GALNT18: variants seen among roughly 807,000 people sequenced by gnomAD.
The protein encoded by GALNT18 is polypeptide N-acetylgalactosaminyltransferase 18, also known as GalNAc-transferase 18.
GALNT18 carries 44 observed loss-of-function variants against 69.5 expected under a neutral mutation model. The ratio of observed to expected loss-of-function variants is 0.63; its 90% CI spans 0.50 to 0.81. The LOEUF (loss-of-function observed/expected upper bound fraction) is 0.81, where lower values mean the gene tolerates loss of function less well. Among genes scored for constraint, GALNT18 ranks in the 40% least tolerant of loss-of-function variants. The pLI is 0.00. For synonymous variants in GALNT18, 364 were observed against 318.2 expected (o/e 1.14, Z -1.53); for missense variants, 715 against 810.0 (o/e 0.88, Z 1.42).
At chr11:11,522,785 G>A (rs1036560442) in intron 1 of GALNT18, among the ~76,000 whole-genome samples, 6 of 152,022 alleles carry the variant, frequency 3.9e-5, no homozygotes, top group Non-Finnish European at 4.4e-5. Flanking sequence ...CACTTGTCAC[G>A]CAGCTAGCTG....
rs1856942842 is a variant in GALNT18 at position 11,500,033 on chromosome 11, C to T, written c.236-51097G>A. Among the ~76,000 whole-genome samples the T allele has an allele frequency of 6.6e-6, 1 of 152,122 alleles. No homozygotes were observed. The highest frequency in any genetic ancestry group is 1.5e-5 in the Non-Finnish European group (1 of 68,008). On this transcript the variant is annotated intron_variant, in intron 1 of 10. Coordinates refer to ENST00000227756, the MANE Select transcript of GALNT18 (RefSeq NM_198516.3). The surrounding 1 kb of genome is among the most constrained non-coding windows in gnomAD (Gnocchi z 5.0). ...AGAGACACAGAGAAAGAAAAAAGATCAAGAGAAAGGGAGCAAAATCAAAAA... is the reference window on the plus strand; with the variant it reads ...AGAGACACAGAGAAAGAAAAAAGATTAAGAGAAAGGGAGCAAAATCAAAAA...
chr11:11,445,397 A>T (rs771979706), intron 2 of GALNT18, among the ~76,000 whole-genome samples: 3 of 152,240 alleles, frequency 2.0e-5, no homozygotes, highest in Non-Finnish European at 4.4e-5. Context: ...GGCTTATCCT[A>T]TATAAATGTT....
intron 9 of GALNT18, among the ~76,000 whole-genome samples, chr11:11,313,800 A>T (rs567272845): frequency 6.7e-4 from 102 of 152,226 alleles, no homozygotes; most frequent in Non-Finnish European, 1.2e-3. Flanking sequence ...TGCCTACTTC[A>T]AAGGGCCATT....
At position 11,463,848 on chromosome 11, in the gene GALNT18, G is replaced by A. The variant is rs1856099933; in HGVS notation, c.236-14912C>T. On this transcript the variant is annotated intron_variant, in intron 1 of 10. Transcript: ENST00000227756. This position sits in a 1 kb window ranked among gnomAD's most constrained non-coding sequence, Gnocchi z 4.2. The stretch of plus-strand genomic sequence containing the variant: ...TGTGAAACCTTTATGCTGTCTCGAC[G>A]CTCTGTATTATGAATGCAGTATGTG... Among the ~76,000 whole-genome samples the A allele has an allele frequency of 6.6e-6, 1 of 152,140 alleles. No homozygotes were observed. The highest frequency in any genetic ancestry group is 6.5e-5 in the Admixed American group (1 of 15,280).
chr11:11,351,838 A>C (rs1850411729), intron 6 of GALNT18: 1 of 861,114 alleles, frequency 1.2e-6, no homozygotes, highest in African/African-American at 1.7e-5. Context: ...CGGTTCAGAC[A>C]CGTTGCTTCT....
intron 10 of GALNT18, among the ~76,000 whole-genome samples, chr11:11,279,615 T>C (rs895433264): frequency 6.7e-6 from 1 of 149,324 alleles, no homozygotes; most frequent in African/African-American, 2.5e-5. Context: ...ATCTCACCAA[T>C]ACAATGTCGA....
rs561398573 is a variant in GALNT18, at chr11:11,432,503, C to T, written c.595+118G>A. The T allele has an allele frequency of 9.7e-7, 1 of 1,031,622 alleles. No individual in the cohort carries two copies. The highest frequency in any genetic ancestry group is 2.6e-5 in the East Asian group (1 of 38,006). The allele number at this position is 1,031,622 out of a possible 1,614,324, so 63.9% of individuals were successfully genotyped here. ...GGCCACCATGAATTTCTCATCTATG[C>T]TCCAGAGAAAGAGCAGCCACAGACA... On this transcript the variant is annotated intron_variant, in intron 3 of 10. Coordinates refer to ENST00000227756, the MANE Select transcript of GALNT18 (RefSeq NM_198516.3). This position sits in a 1 kb window ranked among gnomAD's most constrained non-coding sequence, Gnocchi z 5.8.
At position 11,543,129 on chromosome 11, in the gene GALNT18, G is replaced by C. The variant is rs559727143; in HGVS notation, c.235+78230C>G. 4.6e-5 allele frequency among the ~76,000 whole-genome samples: 7 copies of C among 152,302 alleles called. No individual in the cohort carries two copies. In the South Asian group the frequency reaches 1.0e-3, roughly 23 times the overall value. On this transcript the variant is annotated intron_variant, in intron 1 of 10. Transcript: ENST00000227756. This position sits in a 1 kb window ranked among gnomAD's most constrained non-coding sequence, Gnocchi z 5.1. Reference sequence around the variant, plus strand: ...TGTTAGTTACTATTATTAAGAAGCCGATGCCTTCTCTGGTCTTTCTACCTC... The same window carrying C: ...TGTTAGTTACTATTATTAAGAAGCCCATGCCTTCTCTGGTCTTTCTACCTC...
intron 1 of GALNT18, among the ~76,000 whole-genome samples, chr11:11,519,314 G>C (rs4520594): frequency 1.3e-5 from 2 of 152,060 alleles, no homozygotes; most frequent in African/African-American, 4.8e-5. Flanking sequence ...CAAAAGGGGG[G>C]AGCCATTACC....
intron 1 of GALNT18, among the ~76,000 whole-genome samples, chr11:11,508,718 C>T (rs1012107863): frequency 6.6e-6 from 1 of 152,200 alleles, no homozygotes; most frequent in African/African-American, 2.4e-5. Context: ...GATAATGAAG[C>T]CTTTGGCACT....
At chr11:11,581,527 C>G (rs916037411) in intron 1 of GALNT18, among the ~76,000 whole-genome samples, 1 of 151,424 alleles carries the variant, frequency 6.6e-6, no homozygotes, top group African/African-American at 2.4e-5. Flanking sequence ...CTGACCTCCC[C>G]TCCTCCTCCC....
Position 11,543,453 on chromosome 11 carries a change from T to C in GALNT18, c.235+77906A>G, listed in dbSNP as rs1857971813. The stretch of plus-strand genomic sequence containing the variant: ...TGCCACCCATTTTAGGTCGGGGATG[T>C]CCCTTCTCTGCTACCCTGTCCCCAC... On this transcript the variant is annotated intron_variant, in intron 1 of 10. Transcript: ENST00000227756. This position sits in a 1 kb window ranked among gnomAD's most constrained non-coding sequence, Gnocchi z 5.1. 6.6e-6 allele frequency among the ~76,000 whole-genome samples: 1 copy of C among 152,118 alleles called. No individual in the cohort carries two copies. Among genetic ancestry groups the C allele is most frequent in the Non-Finnish European group, 1.5e-5 (1 of 68,020 alleles).
Position 11,621,805 on chromosome 11 carries a change from A to C in GALNT18, c.-212T>G. ...GCTGGCCACCCGGAGAGACCTTGAC[A>C]AAGGAAACCAGGTGGATTTTTTTCC... On this transcript the variant is annotated 5_prime_UTR_variant, in exon 1 of 11. Coordinates refer to ENST00000227756, the MANE Select transcript of GALNT18 (RefSeq NM_198516.3). This position sits in a 1 kb window ranked among gnomAD's most constrained non-coding sequence, Gnocchi z 9.3. 1 of 581,402 alleles carries C rather than the reference A, an allele frequency of 1.7e-6. No individual in the cohort carries two copies. The allele number at this position is 581,402 out of a possible 1,614,324, so 36.0% of individuals were successfully genotyped here.
intron 1 of GALNT18, among the ~76,000 whole-genome samples, chr11:11,607,366 G>A (rs1049644113): frequency 1.3e-5 from 2 of 152,172 alleles, no homozygotes; most frequent in African/African-American, 4.8e-5. Context: ...TGCCTGGGAA[G>A]TTTCAGAATG....
At position 11,270,942 on chromosome 11, in the gene GALNT18, A is replaced by C. The variant is rs113626394; in HGVS notation, c.*202T>G. 1.3e-5 allele frequency: 6 copies of C among 469,560 alleles called. No individual in the cohort carries two copies. Among genetic ancestry groups the C allele is most frequent in the African/African-American group, 7.6e-5 (4 of 52,588 alleles). The allele number at this position is 469,560 out of a possible 1,614,324, so 29.1% of individuals were successfully genotyped here. A position where few individuals can be genotyped will look rare whatever the true frequency, so the allele number is the denominator to read the frequency against. On this transcript the variant is annotated 3_prime_UTR_variant, in exon 11 of 11. Coordinates refer to ENST00000227756, the MANE Select transcript of GALNT18 (RefSeq NM_198516.3). The stretch of plus-strand genomic sequence containing the variant: ...CATCTGTCCCCTATTTACAACTGCA[A>C]AATAGTTTGATATCATACCATCACC...
chr11:11,273,197 C>A (rs57516259), intron 10 of GALNT18, among the ~76,000 whole-genome samples: 6,098 of 145,430 alleles, frequency 0.042, 388 homozygotes, highest in African/African-American at 0.14. Flanking sequence ...CAAAAATGGA[C>A]AAATAGGATC....
chr11:11,468,274 C>A (rs762475395), intron 1 of GALNT18, among the ~76,000 whole-genome samples: 1 of 152,162 alleles, frequency 6.6e-6, no homozygotes, highest in South Asian at 2.1e-4. Context: ...ATCTTCCCTG[C>A]CTGAGCATGG....
intron 10 of GALNT18, among the ~76,000 whole-genome samples, chr11:11,287,138 G>T (rs758577446): frequency 1.3e-5 from 2 of 152,096 alleles, no homozygotes; most frequent in Non-Finnish European, 2.9e-5. Flanking sequence ...AACCCTGCTG[G>T]GCCCTTGCAC....
chr11:11,427,490 G>C (rs551228114), intron 3 of GALNT18, among the ~76,000 whole-genome samples: 2 of 152,262 alleles, frequency 1.3e-5, no homozygotes, highest in East Asian at 3.9e-4. Context: ...ACATTCCGAC[G>C]GCTCTGCTCG....
Sources: gnomAD v4.1 joint callset for allele counts (sites outside exome capture counted in the v4.1 genomes callset) on GRCh38, gnomAD v4.1.1 for gene constraint, Gnocchi (gnomAD v3.1) non-coding constraint, MANE v1.5 for transcripts, NCBI Gene and HGNC (gene_info 2026-07-23, HGNC 2026-07-21) for gene names.